SYTL3: variants seen among roughly 807,000 people sequenced by gnomAD.
SYTL3 encodes synaptotagmin-like protein 3.
Under a neutral mutation model 82.1 loss-of-function variants are expected in SYTL3, and 88 were observed. The observed-to-expected ratio is 1.07, with a 90% CI of 0.90 to 1.28. SYTL3 has a LOEUF of 1.28. Among genes scored for constraint, SYTL3 ranks in the 50% most tolerant of loss-of-function variants. SYTL3 has a pLI of 0.00. For missense variants in SYTL3, 831 were observed against 757.6 expected, an observed-to-expected ratio of 1.10 and a Z score of -1.14; for synonymous variants, 311 against 289.4, an observed-to-expected ratio of 1.07 and a Z score of -0.76.
At chr6:158,721,796 C>T (rs1276460536) in intron 10 of SYTL3, among the ~76,000 whole-genome samples, 1 of 152,052 alleles carries the variant, frequency 6.6e-6, no homozygotes, top group African/African-American at 2.4e-5. Context: ...CCACACCTGG[C>T]TAATTTTTGG....
chr6:158,693,621 A>G (rs1780159307), intron 6 of SYTL3, among the ~76,000 whole-genome samples: 1 of 152,092 alleles, frequency 6.6e-6, no homozygotes, highest in East Asian at 1.9e-4. Flanking sequence ...CTGACCTCAA[A>G]TGATCCACCT....
chr6:158,720,654 A>C (rs1031026949), intron 10 of SYTL3, among the ~76,000 whole-genome samples: 3 of 152,152 alleles, frequency 2.0e-5, no homozygotes, highest in Non-Finnish European at 4.4e-5. Flanking sequence ...GCTAACACTG[A>C]CTTGGGGTTA....
In SYTL3 at chr6:158,737,053, AC is replaced by A. The variant is rs377073091; in HGVS notation, c.856-8426del. Among the ~76,000 whole-genome samples, 1,032 of 142,032 alleles carry A rather than the reference AC, an allele frequency of 7.3e-3. 5 individuals carry two copies. Among genetic ancestry groups the A allele is most frequent in the Non-Finnish European group, 0.012 (744 of 64,684 alleles). The allele number at this position is 142,032 out of a possible 152,430, so 93.2% of individuals were successfully genotyped here. ...ACATTTCATGGCAAAAAAAAAAAAA[AC>A]AACGAAAAATCAAATGATTTGCTTA... On this transcript the variant is annotated intron_variant, in intron 11 of 17. Coordinates refer to ENST00000611299, the MANE Select transcript of SYTL3 (RefSeq NM_001242394.2).
At chr6:158,647,638 T>C (rs962218278), upstream of SYTL3, among the ~76,000 whole-genome samples, 3 of 152,264 alleles carry the variant, frequency 2.0e-5, no homozygotes, top group African/African-American at 2.4e-5. Flanking sequence ...GTTAAGACAT[T>C]TGGCAGTTCA....
intron 6 of SYTL3, among the ~76,000 whole-genome samples, chr6:158,693,066 T>A (rs548023275): frequency 6.6e-6 from 1 of 152,356 alleles, no homozygotes; most frequent in South Asian, 2.1e-4. Context: ...ATCCCTGCAA[T>A]TCATCCAATG....
intron 11 of SYTL3, among the ~76,000 whole-genome samples, chr6:158,734,409 T>G (rs1328971568): frequency 1.3e-5 from 2 of 152,036 alleles, no homozygotes; most frequent in East Asian, 1.9e-4. Flanking sequence ...ATCCACCCCA[T>G]GACAGCCGGT....
At chr6:158,696,604 ATAAT>A (rs1397804761) in intron 6 of SYTL3, among the ~76,000 whole-genome samples, 3 of 151,992 alleles carry the variant, frequency 2.0e-5, no homozygotes, top group Non-Finnish European at 4.4e-5. Context: ...CATTTCCCTA[ATAAT>A]TAGTGATGTT....
At chr6:158,720,578 A>G (rs1783993216) in intron 10 of SYTL3, among the ~76,000 whole-genome samples, 1 of 152,162 alleles carries the variant, frequency 6.6e-6, no homozygotes, top group Non-Finnish European at 1.5e-5. Flanking sequence ...AAGAGGGTTC[A>G]GGAAGGGGCG....
chr6:158,694,329 T>C (rs1311143740), intron 6 of SYTL3, among the ~76,000 whole-genome samples: 2 of 152,102 alleles, frequency 1.3e-5, no homozygotes, highest in East Asian at 3.9e-4. Context: ...GAAGTTTCTC[T>C]CTGTCACCCA....
chr6:158,672,091 G>A (rs1777449947), intron 5 of SYTL3, among the ~76,000 whole-genome samples: 2 of 152,144 alleles, frequency 1.3e-5, no homozygotes, highest in Non-Finnish European at 2.9e-5. Flanking sequence ...AGGAGTTCAT[G>A]ACCAGCCTGG....
chr6:158,693,855 C>CTTTTTTTTTTTTTTT lies in SYTL3; in HGVS notation c.394+10870_394+10884dup, dbSNP rs575358067. 2.4e-4 allele frequency among the ~76,000 whole-genome samples: 23 copies of CTTTTTTTTTTTTTTT among 96,858 alleles called. 1 individual carries two copies. Among genetic ancestry groups the CTTTTTTTTTTTTTTT allele is most frequent in the African/African-American group, 1.2e-3 (22 of 18,584 alleles). 63.5% of individuals were successfully genotyped at this position (96,858 alleles called of 152,430 possible). ...TGCATCCAGCCTTTCTTTTTCTTTTCTTTTTTTTTTTTTTTTTTGTAGATA... is the reference window on the plus strand; with the variant it reads ...TGCATCCAGCCTTTCTTTTTCTTTTCTTTTTTTTTTTTTTTTTTTTTTTTTTTTTTTTTGTAGATA... On this transcript the variant is annotated intron_variant, in intron 6 of 17. Coordinates refer to ENST00000611299, the MANE Select transcript of SYTL3 (RefSeq NM_001242394.2).
chr6:158,742,257 T>C (rs748786124), intron 11 of SYTL3, among the ~76,000 whole-genome samples: 1 of 152,244 alleles, frequency 6.6e-6, no homozygotes, highest in African/African-American at 2.4e-5. Flanking sequence ...TATTCCAATA[T>C]CAAATAGCAA....
chr6:158,723,849 CTGTCACACCTTTAG>C (rs2128478116), intron 10 of SYTL3, among the ~76,000 whole-genome samples: 1 of 152,358 alleles, frequency 6.6e-6, no homozygotes, highest in South Asian at 2.1e-4. Context: ...ATTGACACTT[CTGTCACACCTTTAG>C]TGTCCCCTCA....
rs1781465764 is a variant in SYTL3 at position 158,702,771 on chromosome 6, G to A, written c.395-4459G>A. On this transcript the variant is annotated intron_variant, in intron 6 of 17. Transcript: ENST00000611299. ...TTTCTGACTTCCTGCAGGCTTTTTAGGCAAGTTGTGGTACAAAATCCGTTT... is the reference window on the plus strand; with the variant it reads ...TTTCTGACTTCCTGCAGGCTTTTTAAGCAAGTTGTGGTACAAAATCCGTTT... Among the ~76,000 whole-genome samples the A allele has an allele frequency of 2.7e-5, 4 of 148,304 alleles. No homozygotes were observed. In the South Asian group the frequency reaches 8.9e-4, roughly 33 times the overall value.
At chr6:158,648,598 A>ATAAT (rs1358477657), upstream of SYTL3, among the ~76,000 whole-genome samples, 10 of 134,092 alleles carry the variant, frequency 7.5e-5, no homozygotes, top group African/African-American at 2.7e-4. Flanking sequence ...CTCAAAAAAA[A>ATAAT]AAAAAAAAAA....
intron 10 of SYTL3, among the ~76,000 whole-genome samples, chr6:158,725,299 C>T (rs9457452): frequency 0.57 from 86,038 of 151,974 alleles, 25,362 homozygotes; most frequent in African/African-American, 0.7. Context: ...CCTGTGTGCT[C>T]GCATGCGCGT....
chr6:158,733,952 G>A (rs1472771318), intron 11 of SYTL3, among the ~76,000 whole-genome samples: 1 of 151,698 alleles, frequency 6.6e-6, no homozygotes, highest in East Asian at 2.0e-4. Context: ...AAAAAAATTA[G>A]CCAGGCGTGA....
At chr6:158,667,244 T>C (rs1790185750) in intron 5 of SYTL3, among the ~76,000 whole-genome samples, 1 of 152,234 alleles carries the variant, frequency 6.6e-6, no homozygotes, top group African/African-American at 2.4e-5. Flanking sequence ...TTGAAATCTC[T>C]GCCCTAGTGA....
chr6:158,725,314 GGTGTGTGTGTGCGTGTGT>G (rs1344708226), intron 10 of SYTL3, among the ~76,000 whole-genome samples, 171 bp from the exon 11 acceptor site: 3 of 151,698 alleles, frequency 2.0e-5, no homozygotes, highest in African/African-American at 7.3e-5. Context: ...GCGCGTGTGT[GGTGTGTGTGTGCGTGTGT>G]GTGTGTGTGT....
Sources: allele counts gnomAD v4.1 joint callset (sites outside exome capture counted in the v4.1 genomes callset), GRCh38; gene constraint gnomAD v4.1.1; transcripts MANE v1.5; gene names NCBI Gene and HGNC (gene_info 2026-07-23, HGNC 2026-07-21).